Variants in GMDS observed in about 807,000 individuals in gnomAD.
GMDS encodes GDP-mannose 4,6 dehydratase.
In GMDS, 20 loss-of-function variants were observed where a neutral mutation model predicts 49.9. That is an observed-to-expected ratio of 0.40 (90% CI 0.28 to 0.58). GMDS has a LOEUF of 0.58. Among genes scored for constraint, GMDS ranks in the 20% least tolerant of loss-of-function variants. GMDS has a pLI of 0.42. For synonymous variants in GMDS, 177 were observed against 178.6 expected (o/e 0.99, Z 0.07); for missense variants, 362 against 481.4 (o/e 0.75, Z 2.32).
At chr6:1,985,229 T>C (rs1765474608) in intron 4 of GMDS, among the ~76,000 whole-genome samples, 1 of 152,182 alleles carries the variant, frequency 6.6e-6, no homozygotes, top group Non-Finnish European at 1.5e-5. Context: ...AGATTTCCAA[T>C]ATCAGAGCTG....
At chr6:1,855,574 G>A (rs928630944) in intron 7 of GMDS, among the ~76,000 whole-genome samples, 2 of 152,140 alleles carry the variant, frequency 1.3e-5, no homozygotes, top group Non-Finnish European at 2.9e-5. Context: ...GTAAACAGCT[G>A]TCACCAGGAA....
rs758366441 is a variant in GMDS at position 1,943,091 on chromosome 6, G to A, written c.644-12861C>T. ...GGAAGCTCCTGTGTGCCCTGTCACCGGCCCCGTCCCCAGCATCTCCTCCTG... is the reference window on the plus strand; with the variant it reads ...GGAAGCTCCTGTGTGCCCTGTCACCAGCCCCGTCCCCAGCATCTCCTCCTG... On this transcript the variant is annotated intron_variant, in intron 6 of 10. Coordinates refer to ENST00000380815, the MANE Select transcript of GMDS (RefSeq NM_001500.4). Among the ~76,000 whole-genome samples, 6 of 152,130 alleles carry A rather than the reference G, an allele frequency of 3.9e-5. No individual in the cohort carries two copies. The South Asian group carries it at 6.2e-4, about 16-fold the overall frequency.
chr6:1,731,843 G>A (rs1766820581), intron 8 of GMDS, among the ~76,000 whole-genome samples: 1 of 152,286 alleles, frequency 6.6e-6, no homozygotes, highest in African/African-American at 2.4e-5. Context: ...ACGGGGTCAG[G>A]TCAGAGGCTC....
chr6:1,764,639 G>A (rs945632728), intron 7 of GMDS, among the ~76,000 whole-genome samples: 9 of 152,120 alleles, frequency 5.9e-5, no homozygotes, highest in African/African-American at 1.4e-4. Context: ...GATCATCACC[G>A]CTCCGTAACG....
At chr6:1,680,338 C>T (rs1764748523) in intron 9 of GMDS, among the ~76,000 whole-genome samples, 1 of 152,226 alleles carries the variant, frequency 6.6e-6, no homozygotes, top group Non-Finnish European at 1.5e-5. Flanking sequence ...GGTTAATGAA[C>T]AGGACAGGCA....
intron 9 of GMDS, among the ~76,000 whole-genome samples, chr6:1,665,457 G>A (rs184595582): frequency 3.3e-5 from 5 of 152,338 alleles, no homozygotes; most frequent in African/African-American, 1.2e-4. Flanking sequence ...AGAATCGAAA[G>A]TGACAATGAA....
intron 9 of GMDS, among the ~76,000 whole-genome samples, chr6:1,685,781 G>A (rs1409586195): frequency 1.3e-5 from 2 of 152,152 alleles, no homozygotes; most frequent in Non-Finnish European, 2.9e-5. Flanking sequence ...ACAGGATGGA[G>A]ATTTTCCCAA....
intron 4 of GMDS, among the ~76,000 whole-genome samples, chr6:2,048,746 C>T (rs1770181846): frequency 1.3e-5 from 2 of 152,078 alleles, no homozygotes; most frequent in African/African-American, 2.4e-5. Context: ...TTTTTTACTG[C>T]TTCTAATTGA....
rs546116755 is a variant in GMDS at position 1,659,266 on chromosome 6, C to G, written c.988-34726G>C. Among the ~76,000 whole-genome samples the G allele has an allele frequency of 3.3e-5, 5 of 151,188 alleles. No individual in the cohort carries two copies. In the South Asian group the frequency reaches 1.1e-3, roughly 32 times the overall value. On this transcript the variant is annotated intron_variant, in intron 9 of 10. Coordinates refer to ENST00000380815, the MANE Select transcript of GMDS (RefSeq NM_001500.4). ...TGTTTTACATATCATAAAATTCACT[C>G]GTTTCAACTGCACGATTCAGTGGCC...
At chr6:2,240,601 CAAA>C (rs57052982) in intron 1 of GMDS, among the ~76,000 whole-genome samples, 1 of 84,064 alleles carries the variant, frequency 1.2e-5, no homozygotes. Context: ...AAGACTGTCT[CAAA>C]AAAAAAAAAA....
intron 1 of GMDS, among the ~76,000 whole-genome samples, chr6:2,237,224 G>C (rs1581843323): frequency 6.6e-6 from 1 of 152,072 alleles, no homozygotes; most frequent in East Asian, 1.9e-4. Context: ...TAAACAATTG[G>C]GTTACTACTT....
At chr6:2,169,621 C>CAAAA (rs556634869) in intron 1 of GMDS, among the ~76,000 whole-genome samples, 2 of 73,740 alleles carry the variant, frequency 2.7e-5, no homozygotes, top group South Asian at 4.6e-4. Context: ...CACCAGGCAG[C>CAAAA]AAAAAAAAAA....
chr6:1,627,395 C>T (rs1006394240), intron 9 of GMDS, among the ~76,000 whole-genome samples: 3 of 152,192 alleles, frequency 2.0e-5, no homozygotes, highest in African/African-American at 7.2e-5. Flanking sequence ...ATAAGGCTTC[C>T]TCTGGGCTGA....
intron 9 of GMDS, among the ~76,000 whole-genome samples, chr6:1,713,630 G>A (rs555999061): frequency 8.5e-5 from 13 of 152,244 alleles, no homozygotes; most frequent in South Asian, 8.3e-4. Context: ...ACACATACAC[G>A]TACGTGTGTT....
intron 4 of GMDS, among the ~76,000 whole-genome samples, chr6:1,977,083 A>G (rs1438851944): frequency 6.6e-6 from 1 of 152,198 alleles, no homozygotes; most frequent in Non-Finnish European, 1.5e-5. Flanking sequence ...AATTAGTTCA[A>G]AGTAAAGGGG....
chr6:1,901,933 A>G (rs755085716), intron 7 of GMDS, among the ~76,000 whole-genome samples: 4 of 152,238 alleles, frequency 2.6e-5, no homozygotes, highest in Non-Finnish European at 5.9e-5. Flanking sequence ...GAAAAGGGCT[A>G]CTGTGGGTGC....
chr6:1,668,926 C>T (rs900135841), intron 9 of GMDS, among the ~76,000 whole-genome samples: 9 of 152,202 alleles, frequency 5.9e-5, no homozygotes, highest in Admixed American at 5.2e-4. Flanking sequence ...AGAACAGAGC[C>T]AGTGAGTTGC....
chr6:1,990,408 T>C (rs978122516), intron 4 of GMDS, among the ~76,000 whole-genome samples: 1 of 152,234 alleles, frequency 6.6e-6, no homozygotes, highest in African/African-American at 2.4e-5. Context: ...AGCCACATTC[T>C]GGTGTAAAGG....
chr6:2,087,739 C>T lies in GMDS; in HGVS notation c.345+28032G>A, dbSNP rs765717768. 1.4e-4 allele frequency among the ~76,000 whole-genome samples: 21 copies of T among 152,148 alleles called. 1 individual carries two copies. Among genetic ancestry groups the T allele is most frequent in the African/African-American group, 4.1e-4 (17 of 41,434 alleles). Reference sequence around the variant, plus strand: ...ATGAACCTGAAAAATAAGTCTTGGACGTTTAGTTATCCCAAGACCTAACAC... The same window carrying T: ...ATGAACCTGAAAAATAAGTCTTGGATGTTTAGTTATCCCAAGACCTAACAC... On this transcript the variant is annotated intron_variant, in intron 4 of 10. Transcript: ENST00000380815.
Sources: gnomAD v4.1 joint callset for allele counts (sites outside exome capture counted in the v4.1 genomes callset) on GRCh38, gnomAD v4.1.1 for gene constraint, MANE v1.5 for transcripts, NCBI Gene and HGNC (gene_info 2026-07-23, HGNC 2026-07-21) for gene names.